The following CHRD variants were observed in gnomAD, a reference collection of about 807,000 sequenced individuals.
The protein encoded by CHRD is chordin.
Under a neutral mutation model 113.7 loss-of-function variants are expected in CHRD, and 69 were observed. The observed-to-expected ratio is 0.61, with a 90% CI of 0.50 to 0.74. The LOEUF is 0.74. CHRD is among the 30% of genes least tolerant of loss of function. The probability of loss-of-function intolerance (pLI) is 0.00; values close to 1 mark genes in which losing one functional copy is unlikely to be tolerated. For missense variants in CHRD, 1,194 were observed against 1,295.8 expected, an observed-to-expected ratio of 0.92 and a Z score of 1.21; for synonymous variants, 561 against 540.8, an observed-to-expected ratio of 1.04 and a Z score of -0.52.
Position 184,381,730 on chromosome 3 carries a change from C to T in CHRD, c.526C>T (p.Leu176=), listed in dbSNP as rs1342127387. 2 of 1,613,016 alleles carry T rather than the reference C, an allele frequency of 1.2e-6. No homozygotes were observed. The highest frequency in any genetic ancestry group is 1.7e-6 in the Non-Finnish European group (2 of 1,179,952). The stretch of plus-strand genomic sequence containing the variant: ...TCCCGTCCCAGACTTCGTGGCGCTG[C>T]TGACAGGGCCGAGGTCGCAGGCGGT... The change falls in exon 5 of 23, where the codon CTG becomes TTG. Residue 176 remains leucine, a synonymous_variant. Transcript: ENST00000204604. The surrounding 1 kb of genome is among the most constrained non-coding windows in gnomAD (Gnocchi z 4.7).
rs370466131 is a variant in CHRD, at chr3:184,381,937, G to T, written c.616G>T (p.Asp206Tyr). The T allele has an allele frequency of 6.9e-5, 111 of 1,614,004 alleles. No homozygotes were observed. Among genetic ancestry groups the T allele is most frequent in the Non-Finnish European group, 9.1e-5 (107 of 1,180,034 alleles). The change falls in exon 6 of 23, where the codon GAC (aspartate) becomes TAC (tyrosine). Residue 206 changes from aspartate (D) to tyrosine (Y), a missense_variant. By Grantham distance (160) the Asp-to-Tyr change is radical. Coordinates refer to ENST00000204604, the Ensembl canonical transcript of CHRD. The surrounding 1 kb of genome is among the most constrained non-coding windows in gnomAD (Gnocchi z 4.7). ...CACCCGACCTCTCATTCCCAGGCTG[G>T]ACCGCCCTACCAGGATCCGCTTCTC...
intron 22 of CHRD, 38 bp from the exon 23 acceptor site, chr3:184,389,329 T>C (rs1163237651): frequency 1.2e-6 from 2 of 1,601,588 alleles, no homozygotes; most frequent in South Asian, 2.2e-5. Context: ...CTCCACTCCC[T>C]CTCCCCTCCT....
Position 184,381,689 on chromosome 3 carries a change from G to C in CHRD, c.512-27G>C, listed in dbSNP as rs1471017432. On this transcript the variant is annotated intron_variant, in intron 4 of 22. Transcript: ENST00000204604. The surrounding 1 kb of genome is among the most constrained non-coding windows in gnomAD (Gnocchi z 4.7). ...GGCCACCAAAGCGGCGTTTGACAGT[G>C]CTCAGGCCATCTTCCTCCCGTCCCA... 9.3e-6 allele frequency: 15 copies of C among 1,611,018 alleles called. No individual in the cohort carries two copies. Among genetic ancestry groups the C allele is most frequent in the African/African-American group, 1.3e-5 (1 of 74,926 alleles).
exon 7 of CHRD, chr3:184,382,422 T>C: frequency 6.2e-7 from 1 of 1,614,070 alleles, no homozygotes; most frequent in South Asian, 1.1e-5. Context: ...GCCTCGGTTG[T>C]CTCTGCGGCT....
rs764938722 is a variant in CHRD at position 184,380,679 on chromosome 3, C to T, written c.149-13C>T. ...AGCTGGGCAGCGGCCTCCAGCCAAG[C>T]CCGTCCCCGCAGGCTGCACCTTCGG... On this transcript the variant is annotated splice_polypyrimidine_tract_variant and intron_variant, in intron 1 of 22. Coordinates refer to ENST00000204604, the Ensembl canonical transcript of CHRD. The surrounding 1 kb of genome is among the most constrained non-coding windows in gnomAD (Gnocchi z 6.3). The T allele has an allele frequency of 6.4e-7, 1 of 1,570,540 alleles. No individual in the cohort carries two copies. Among genetic ancestry groups the T allele is most frequent in the Admixed American group, 1.8e-5 (1 of 55,874 alleles).
At chr3:184,382,592 G>C (rs756777032) in intron 7 of CHRD, 42 bp from the exon 8 acceptor site, 2 of 1,610,708 alleles carry the variant, frequency 1.2e-6, no homozygotes, top group African/African-American at 2.7e-5. Flanking sequence ...AGGAAAGGGG[G>C]GGAGGGTTTC....
At position 184,380,401 on chromosome 3, in the gene CHRD, G is replaced by A. The variant is rs1296166338; in HGVS notation, c.83G>A (p.Gly28Asp). 3 of 1,340,832 alleles carry A rather than the reference G, an allele frequency of 2.2e-6. No individual in the cohort carries two copies. Among genetic ancestry groups the A allele is most frequent in the South Asian group, 3.0e-5 (2 of 67,372 alleles). 83.1% of individuals were successfully genotyped at this position (1,340,832 alleles called of 1,614,324 possible). Residue 28 changes from glycine (G) to aspartate (D), a missense_variant, in exon 1 of 23, where the codon GGC becomes GAC. Coordinates refer to ENST00000204604, the Ensembl canonical transcript of CHRD. This position sits in a 1 kb window ranked among gnomAD's most constrained non-coding sequence, Gnocchi z 6.3. ...GGCTCCCGGCCGGCCCGCGGCGCCG[G>A]CCCAGAGCCCCCCGTGCTGCCCATC...
chr3:184,384,688 A>T lies in CHRD; in HGVS notation c.1592A>T (p.His531Leu), dbSNP rs1233830051. The change falls in exon 13 of 23, where the codon CAT becomes CTT. Residue 531 changes from histidine to leucine, a missense_variant. Transcript: ENST00000204604. The surrounding 1 kb of genome is among the most constrained non-coding windows in gnomAD (Gnocchi z 4.4). ...CCCTACTGTGGGCATAGCGCCCGCC[A>T]TGACAGTGAGTGTCCTTAGGGGTCT... The T allele has an allele frequency of 6.4e-7, 1 of 1,561,688 alleles. No homozygotes were observed. The highest frequency in any genetic ancestry group is 1.4e-5 in the African/African-American group (1 of 73,204).
Position 184,381,870 on chromosome 3 carries a change from C to T in CHRD, c.611+55C>T. On this transcript the variant is annotated intron_variant, in intron 5 of 22. Coordinates refer to ENST00000204604, the Ensembl canonical transcript of CHRD. The surrounding 1 kb of genome is among the most constrained non-coding windows in gnomAD (Gnocchi z 4.7). The stretch of plus-strand genomic sequence containing the variant: ...CAGCTGCCGGGGCCCGGGAGGGAAA[C>T]TGGGAGAGCTGGGAGGGGCTGCTTT... The T allele has an allele frequency of 1.2e-6, 2 of 1,611,104 alleles. No homozygotes were observed. The highest frequency in any genetic ancestry group is 1.7e-6 in the Non-Finnish European group (2 of 1,178,500).
At chr3:184,382,168 G>A (rs2239856) in intron 6 of CHRD, 148 bp downstream of exon 6, 120,172 of 1,242,328 alleles carry the variant, frequency 0.097, 6,649 homozygotes, top group East Asian at 0.18. Context: ...GGGAACTGAG[G>A]CTCAGTAGGA....
Position 184,387,105 on chromosome 3 carries a change from A to G in CHRD, c.2345A>G (p.Glu782Gly). The G allele has an allele frequency of 1.9e-6, 3 of 1,613,176 alleles. No individual in the cohort carries two copies. The highest frequency in any genetic ancestry group is 2.5e-6 in the Non-Finnish European group (3 of 1,179,666). ...CTGCCAAGGAGCCGGGACCCAGGAG[A>G]GGGTGAGCTGGAAGGGTGCGTGCAG... The change falls in exon 18 of 23, where the codon GAG (glutamate) becomes GGG (glycine). Residue 782 changes from glutamate (E) to glycine (G), a missense_variant and splice_region_variant. Transcript: ENST00000204604. The surrounding 1 kb of genome is among the most constrained non-coding windows in gnomAD (Gnocchi z 6.1).
In CHRD at chr3:184,384,851, C is replaced by T. The variant is rs1716037563; in HGVS notation, c.1597+158C>T. 5 of 1,219,078 alleles carry T rather than the reference C, an allele frequency of 4.1e-6. No individual in the cohort carries two copies. The East Asian group carries it at 1.2e-4, about 29-fold the overall frequency. 75.5% of individuals were successfully genotyped at this position (1,219,078 alleles called of 1,614,324 possible). ...GGGTGGCCCTGCTGGCGGACTCTTC[C>T]TGTTGCTGAGGTTCAAGGGTCTAAA... On this transcript the variant is annotated intron_variant, in intron 13 of 22. Transcript: ENST00000204604. This position sits in a 1 kb window ranked among gnomAD's most constrained non-coding sequence, Gnocchi z 4.4.
chr3:184,388,697 G>A lies in CHRD; in HGVS notation c.2665G>A (p.Val889Met), dbSNP rs769119423. ...AGAGAGTCAGAGCTGGCACCCCTCA[G>A]TGCCCCCTTTTGGAGAGATGAGCTG... The change falls in exon 21 of 23, where the codon GTG becomes ATG. Residue 889 changes from valine (V) to methionine (M), a missense_variant. By Grantham distance (21) the Val-to-Met change is conservative. Transcript: ENST00000204604. This position sits in a 1 kb window ranked among gnomAD's most constrained non-coding sequence, Gnocchi z 6.1. 1.2e-6 allele frequency: 2 copies of A among 1,613,936 alleles called. No homozygotes were observed. The highest frequency in any genetic ancestry group is 8.5e-7 in the Non-Finnish European group (1 of 1,180,038).
chr3:184,381,701 T>C lies in CHRD; in HGVS notation c.512-15T>C. The stretch of plus-strand genomic sequence containing the variant: ...GGCGTTTGACAGTGCTCAGGCCATC[T>C]TCCTCCCGTCCCAGACTTCGTGGCG... On this transcript the variant is annotated splice_polypyrimidine_tract_variant and intron_variant, in intron 4 of 22. Transcript: ENST00000204604. The surrounding 1 kb of genome is among the most constrained non-coding windows in gnomAD (Gnocchi z 4.7). 1.2e-6 allele frequency: 2 copies of C among 1,612,236 alleles called. No homozygotes were observed. The highest frequency in any genetic ancestry group is 1.7e-6 in the Non-Finnish European group (2 of 1,179,598).
At chr3:184,386,551 G>C (rs1716319377) in exon 16 of CHRD, 1 of 1,542,648 alleles carries the variant, frequency 6.5e-7, no homozygotes, top group South Asian at 1.2e-5. Context: ...CCGGGGCCGA[G>C]GGGGTGCGGG....
chr3:184,389,561 A>C (rs1577419009), exon 23 of CHRD: 1 of 696,616 alleles, frequency 1.4e-6, no homozygotes. Context: ...CACCCCCACT[A>C]CCTCTGGGAA....
chr3:184,381,622 C>T lies in CHRD; in HGVS notation c.509C>T (p.Thr170Met). The change falls in exon 4 of 23, where the codon ACG (threonine) becomes ATG (methionine). Residue 170 changes from threonine (T) to methionine (M), a missense_variant and splice_region_variant. Thr to Met is a moderately conservative substitution (Grantham distance 81). Coordinates refer to ENST00000204604, the Ensembl canonical transcript of CHRD. This position sits in a 1 kb window ranked among gnomAD's most constrained non-coding sequence, Gnocchi z 4.7. Reference sequence around the variant, plus strand: ...GAGCGGGCCCGTGGTGACGGCCACACGGGTAGGGGGCTGGCGAACAGCGGG... The same window carrying T: ...GAGCGGGCCCGTGGTGACGGCCACATGGGTAGGGGGCTGGCGAACAGCGGG... The T allele has an allele frequency of 1.2e-6, 2 of 1,605,138 alleles. No individual in the cohort carries two copies. The highest frequency in any genetic ancestry group is 1.7e-6 in the Non-Finnish European group (2 of 1,175,464).
rs1715931347 is a variant in CHRD at position 184,384,207 on chromosome 3, T to C, written c.1441-330T>C. Among the ~76,000 whole-genome samples, 1 of 152,174 alleles carries C rather than the reference T, an allele frequency of 6.6e-6. No homozygotes were observed. Among genetic ancestry groups the C allele is most frequent in the African/African-American group, 2.4e-5 (1 of 41,430 alleles). On this transcript the variant is annotated intron_variant, in intron 12 of 22. Transcript: ENST00000204604. This position sits in a 1 kb window ranked among gnomAD's most constrained non-coding sequence, Gnocchi z 4.4. ...GGAGAACAGTGCCACAGGCCACATA[T>C]TAGTAAATGTAATGGCAATGGTTGC...
At position 184,380,405 on chromosome 3, in the gene CHRD, A is replaced by C. The variant is rs1920128; in HGVS notation, c.87A>C (p.Pro29=). 506,296 of 1,329,050 alleles carry C rather than the reference A, an allele frequency of 0.38. 99,478 individuals are homozygous for C. Among genetic ancestry groups the C allele is most frequent in the Middle Eastern group, 0.44 (1,499 of 3,442 alleles). The allele number at this position is 1,329,050 out of a possible 1,614,324, so 82.3% of individuals were successfully genotyped here. The change falls in exon 1 of 23, where the codon CCA becomes CCC. Residue 29 remains proline (P), a synonymous_variant. Coordinates refer to ENST00000204604, the Ensembl canonical transcript of CHRD. The surrounding 1 kb of genome is among the most constrained non-coding windows in gnomAD (Gnocchi z 6.3). ...CCCGGCCGGCCCGCGGCGCCGGCCC[A>C]GAGCCCCCCGTGCTGCCCATCCGTT...
Sources: allele counts gnomAD v4.1 joint callset (sites outside exome capture counted in the v4.1 genomes callset), GRCh38; gene constraint gnomAD v4.1.1; non-coding constraint Gnocchi (gnomAD v3.1); transcripts MANE v1.5; gene names NCBI Gene and HGNC (gene_info 2026-07-23, HGNC 2026-07-21).